Variants in HGF observed in about 807,000 individuals in gnomAD.
HGF encodes the protein hepatocyte growth factor, also known as fibroblast-derived tumor cytotoxic factor.
HGF carries 39 observed loss-of-function variants against 111.6 expected under a neutral mutation model. The observed-to-expected ratio is 0.35, with a 90% CI of 0.27 to 0.46. The LOEUF (loss-of-function observed/expected upper bound fraction) is 0.46. Among genes scored for constraint, HGF ranks in the 20% least tolerant of loss-of-function variants. The pLI is 1.00. For missense variants in HGF, 735 were observed against 910.5 expected, an observed-to-expected ratio of 0.81 and a Z score of 2.48; for synonymous variants, 285 against 294.8, an observed-to-expected ratio of 0.97 and a Z score of 0.34.
In HGF at chr7:81,699,562, T is replaced by C. The variant is rs1789231457; in HGVS notation, c.*3019A>G. 1 of 151,688 alleles carries C rather than the reference T, an allele frequency of 6.6e-6. No individual in the cohort carries two copies. Among genetic ancestry groups the C allele is most frequent in the Non-Finnish European group, 1.5e-5 (1 of 67,720 alleles). 9.4% of individuals were successfully genotyped at this position (151,688 alleles called of 1,614,324 possible). ...TAAGGCTTTTTAGTATAAGATCTTA[T>C]TAAAATTCTTTACCACATGATCTCT... On this transcript the variant is annotated 3_prime_UTR_variant, in exon 18 of 18. Coordinates refer to ENST00000222390, the MANE Select transcript of HGF (RefSeq NM_000601.6).
At chr7:81,736,221 A>C (rs1165821909) in intron 7 of HGF, among the ~76,000 whole-genome samples, 1 of 152,114 alleles carries the variant, frequency 6.6e-6, no homozygotes, top group African/African-American at 2.4e-5. Context: ...AAAATATTAA[A>C]TAAAAAATTC....
rs1308002826 is a variant in HGF at position 81,743,277 on chromosome 7, C to G, written c.865+76G>C. ...AGCATCAAGTTAAATAGTTGTTAAC[C>G]TGTCTCACTAATAATCGCCTGCTTA... is the stretch of plus-strand genomic sequence containing the variant. On this transcript the variant is annotated intron_variant, in intron 7 of 17. Coordinates refer to ENST00000222390, the MANE Select transcript of HGF (RefSeq NM_000601.6). The G allele has an allele frequency of 5.8e-6, 5 of 859,952 alleles. No homozygotes were observed. In the East Asian group the frequency reaches 7.2e-5, roughly 12 times the overall value. The allele number at this position is 859,952 out of a possible 1,614,324, so 53.3% of individuals were successfully genotyped here.
intron 11 of HGF, among the ~76,000 whole-genome samples, chr7:81,715,822 GTAGA>G (rs1263190845): frequency 6.6e-6 from 1 of 152,062 alleles, no homozygotes; most frequent in Non-Finnish European, 1.5e-5. Flanking sequence ...TCTTTTTAGA[GTAGA>G]TATTTTTGCT....
At chr7:81,760,640 A>T (rs1000866488) in intron 2 of HGF, among the ~76,000 whole-genome samples, 2 of 151,560 alleles carry the variant, frequency 1.3e-5, no homozygotes, top group South Asian at 4.2e-4. Context: ...TAGCTAAGAT[A>T]TTTAATAATC....
At chr7:81,751,972 T>A in intron 5 of HGF, 148 bp downstream of exon 5, 1 of 1,443,084 alleles carries the variant, frequency 6.9e-7, no homozygotes, top group Non-Finnish European at 9.1e-7. Flanking sequence ...AAACATTGTA[T>A]AAAAATGTTT....
At position 81,728,121 on chromosome 7, in the gene HGF, CTGGA is replaced by C. The variant is rs1199679102; in HGVS notation, c.1040+1480_1040+1483del. Among the ~76,000 whole-genome samples the C allele has an allele frequency of 7.2e-5, 11 of 152,280 alleles. No individual in the cohort carries two copies. In the East Asian group the frequency reaches 2.1e-3, roughly 29 times the overall value. On this transcript the variant is annotated intron_variant, in intron 8 of 17. Coordinates refer to ENST00000222390, the MANE Select transcript of HGF (RefSeq NM_000601.6). ...ACGTGACCAGTACGCCCCCTCACTA[CTGGA>C]TCACAAATAGTAAATGGTAAATCAA...
intron 7 of HGF, chr7:81,736,749 C>G (rs1329335563): frequency 2.1e-6 from 1 of 472,032 alleles, no homozygotes; most frequent in Non-Finnish European, 4.2e-6. Flanking sequence ...GAACAGACAG[C>G]ATGAGAGCCT....
At chr7:81,709,962 G>T (rs1562873201) in intron 13 of HGF, among the ~76,000 whole-genome samples, 185 bp downstream of exon 13, 1 of 152,130 alleles carries the variant, frequency 6.6e-6, no homozygotes, top group Non-Finnish European at 1.5e-5. Flanking sequence ...TACCTCTGGA[G>T]GCACAAATTA....
In HGF at chr7:81,710,698, T is replaced by C. The variant is rs1408503030; in HGVS notation, c.1445-455A>G. On this transcript the variant is annotated intron_variant, in intron 12 of 17. Transcript: ENST00000222390. ...TTTGTACAGTTAGATTGTAGATTTATTCAATATGTCTTACCAACATTTGAT... is the reference window on the plus strand; with the variant it reads ...TTTGTACAGTTAGATTGTAGATTTACTCAATATGTCTTACCAACATTTGAT... Among the ~76,000 whole-genome samples the C allele has an allele frequency of 2.0e-5, 3 of 152,250 alleles. No individual in the cohort carries two copies. The East Asian group carries it at 5.8e-4, about 29-fold the overall frequency.
chr7:81,737,026 T>C (rs1342777268), intron 7 of HGF, among the ~76,000 whole-genome samples: 5 of 151,842 alleles, frequency 3.3e-5, no homozygotes, highest in Admixed American at 6.6e-5. Flanking sequence ...GCCATTCATG[T>C]TAAAAAATGA....
chr7:81,716,524 C>A (rs1583930053), intron 11 of HGF, among the ~76,000 whole-genome samples: 1 of 151,914 alleles, frequency 6.6e-6, no homozygotes, highest in East Asian at 1.9e-4. Context: ...GTTTTAATGT[C>A]TTTTCATTTA....
chr7:81,764,978 A>G (rs1448408623), intron 1 of HGF, among the ~76,000 whole-genome samples: 2 of 152,112 alleles, frequency 1.3e-5, no homozygotes, highest in Non-Finnish European at 1.5e-5. Flanking sequence ...AAAAAAATCT[A>G]TGAAACAACT....
At chr7:81,705,160 AT>A (rs752487829) in intron 17 of HGF, among the ~76,000 whole-genome samples, 4 of 151,862 alleles carry the variant, frequency 2.6e-5, no homozygotes, top group Non-Finnish European at 5.9e-5. Context: ...CACACTTATT[AT>A]TTTTTGAGTG....
chr7:81,732,846 A>G (rs1480372949), intron 7 of HGF, among the ~76,000 whole-genome samples: 2 of 152,172 alleles, frequency 1.3e-5, no homozygotes, highest in Non-Finnish European at 2.9e-5. Flanking sequence ...TGAAAGATCT[A>G]TATTACCAAA....
At chr7:81,715,574 CAG>C (rs1789689129) in intron 11 of HGF, among the ~76,000 whole-genome samples, 2 of 151,994 alleles carry the variant, frequency 1.3e-5, no homozygotes, top group Admixed American at 6.6e-5. Context: ...TATTATTATA[CAG>C]AGTTTCCCAA....
intron 5 of HGF, chr7:81,751,004 A>C (rs1185568123): frequency 5.1e-6 from 5 of 979,738 alleles, no homozygotes; most frequent in Non-Finnish European, 6.1e-6. Context: ...ACAAACAGAG[A>C]TGGAACTGGC....
intron 7 of HGF, among the ~76,000 whole-genome samples, chr7:81,735,396 G>T (rs1787793477): frequency 6.6e-6 from 1 of 152,026 alleles, no homozygotes; most frequent in Admixed American, 6.6e-5. Context: ...CCTTGAAAAA[G>T]GGTATTGACG....
At chr7:81,742,522 A>G (rs1181364930) in intron 7 of HGF, among the ~76,000 whole-genome samples, 1 of 152,200 alleles carries the variant, frequency 6.6e-6, no homozygotes, top group Admixed American at 6.5e-5. Flanking sequence ...TACTAAATTT[A>G]TGCAATTCTA....
intron 9 of HGF, 118 bp downstream of exon 9, chr7:81,725,772 T>A (rs1789988969): frequency 5.1e-6 from 6 of 1,173,814 alleles, no homozygotes; most frequent in Non-Finnish European, 7.7e-6. Flanking sequence ...GTGATTTTGT[T>A]TGCAAGCCAG....
Sources: gnomAD v4.1 joint callset for allele counts (sites outside exome capture counted in the v4.1 genomes callset) on GRCh38, gnomAD v4.1.1 for gene constraint, MANE v1.5 for transcripts, NCBI Gene and HGNC (gene_info 2026-07-23, HGNC 2026-07-21) for gene names.